AFF3: variants seen among roughly 807,000 people sequenced by gnomAD.
AFF3 encodes AF4/FMR2 family member 3.
AFF3 carries 32 observed loss-of-function variants against 129.7 expected under a neutral mutation model. The observed-to-expected ratio is 0.25, with a 90% CI of 0.19 to 0.33. The LOEUF (loss-of-function observed/expected upper bound fraction) is 0.33, where lower values mean the gene tolerates loss of function less well. Ranked by LOEUF, AFF3 falls within the 10% of genes least tolerant of loss-of-function variation. The pLI is 1.00. For missense variants in AFF3, 1,373 were observed against 1,592.0 expected (o/e 0.86, Z 2.34); for synonymous variants, 644 against 635.4 (o/e 1.01, Z -0.20).
At chr2:99,809,995 G>T (rs1237017415) in intron 8 of AFF3, among the ~76,000 whole-genome samples, 1 of 152,186 alleles carries the variant, frequency 6.6e-6, no homozygotes, top group Admixed American at 6.5e-5. Context: ...TTGGGAAAAG[G>T]AATCTGTCTT....
intron 8 of AFF3, among the ~76,000 whole-genome samples, chr2:99,811,820 G>T (rs1686813411): frequency 6.6e-6 from 1 of 152,224 alleles, no homozygotes; most frequent in Non-Finnish European, 1.5e-5. Flanking sequence ...TAAGTCACAC[G>T]CTTTATGTCT....
At chr2:99,636,403 G>A (rs563338873) in intron 13 of AFF3, among the ~76,000 whole-genome samples, 1 of 152,152 alleles carries the variant, frequency 6.6e-6, no homozygotes, top group African/African-American at 2.4e-5. Flanking sequence ...ATAGAAAAAG[G>A]GGCCATGGAC....
At chr2:100,039,146 CTA>C (rs948890692) in intron 4 of AFF3, among the ~76,000 whole-genome samples, 5 of 152,202 alleles carry the variant, frequency 3.3e-5, no homozygotes, top group Non-Finnish European at 5.9e-5. Flanking sequence ...ACCAACTTCA[CTA>C]TATCTCTTTC....
chr2:99,552,776 A>T (rs72817017), intron 24 of AFF3, among the ~76,000 whole-genome samples: 7,504 of 152,138 alleles, frequency 0.049, 276 homozygotes, highest in Non-Finnish European at 0.076. Context: ...CTGGTAGGAG[A>T]CATCTAGCAG....
At chr2:100,003,035 G>T (rs1264903412) in intron 7 of AFF3, among the ~76,000 whole-genome samples, 1 of 129,906 alleles carries the variant, frequency 7.7e-6, no homozygotes, top group Non-Finnish European at 1.5e-5. Flanking sequence ...TATTCCATGA[G>T]CCAAAGACAG....
At position 99,824,828 on chromosome 2, in the gene AFF3, T is replaced by C. The variant is rs879439644; in HGVS notation, c.921+12649A>G. ...TGCTGCACACGGCACTTTTCTAGAATTTCTGAGGTACAAGTGGGCCCAGGA... is the reference window on the plus strand; with the variant it reads ...TGCTGCACACGGCACTTTTCTAGAACTTCTGAGGTACAAGTGGGCCCAGGA... On this transcript the variant is annotated intron_variant, in intron 8 of 24. Coordinates refer to ENST00000672756, the MANE Select transcript of AFF3 (RefSeq NM_001386135.1). Among the ~76,000 whole-genome samples, 3 of 152,108 alleles carry C rather than the reference T, an allele frequency of 2.0e-5. No homozygotes were observed. In the South Asian group the frequency reaches 6.2e-4, roughly 32 times the overall value.
intron 12 of AFF3, among the ~76,000 whole-genome samples, chr2:99,671,641 C>A (rs7578108): frequency 0.059 from 8,995 of 152,086 alleles, 867 homozygotes; most frequent in African/African-American, 0.2. Context: ...TTCACTATTC[C>A]AAAACCAACA....
At chr2:99,686,566 T>C (rs933884548) in intron 11 of AFF3, among the ~76,000 whole-genome samples, 1 of 152,240 alleles carries the variant, frequency 6.6e-6, no homozygotes, top group Non-Finnish European at 1.5e-5. Context: ...TGGTAAGATT[T>C]GACTCCTTCT....
At chr2:99,855,986 T>C (rs1048669340) in intron 7 of AFF3, among the ~76,000 whole-genome samples, 8 of 152,090 alleles carry the variant, frequency 5.3e-5, no homozygotes, top group African/African-American at 1.2e-4. Context: ...AAAAACATCA[T>C]ACAAATCCAA....
chr2:99,664,355 T>C (rs1686494363), intron 12 of AFF3, among the ~76,000 whole-genome samples: 1 of 152,240 alleles, frequency 6.6e-6, no homozygotes, highest in Non-Finnish European at 1.5e-5. Flanking sequence ...CACTAGAGGC[T>C]ACAGCCAAAA....
At chr2:100,043,093 G>C (rs999119089) in intron 4 of AFF3, among the ~76,000 whole-genome samples, 1 of 151,798 alleles carries the variant, frequency 6.6e-6, no homozygotes, top group Non-Finnish European at 1.5e-5. Context: ...GGCTTTGCAA[G>C]TGCAAACAGA....
chr2:100,106,218 C>T, intron 2 of AFF3: 2 of 1,184,784 alleles, frequency 1.7e-6, no homozygotes, highest in Non-Finnish European at 2.1e-6. Flanking sequence ...AAATGTAAAA[C>T]GCTAAATTAA....
rs148533473 is a variant in AFF3 at position 99,681,958 on chromosome 2, G to A, written c.1092-9369C>T. ...GTCTCGTTCTGTCATCCAGGCTGGAGTGCAATGGTGCATCTTGGCTCACTG... is the reference window on the plus strand; with the variant it reads ...GTCTCGTTCTGTCATCCAGGCTGGAATGCAATGGTGCATCTTGGCTCACTG... On this transcript the variant is annotated intron_variant, in intron 11 of 24. Transcript: ENST00000672756. Among the ~76,000 whole-genome samples the A allele has an allele frequency of 3.6e-3, 531 of 147,670 alleles. 3 individuals carry two copies. The highest frequency in any genetic ancestry group is 0.013 in the African/African-American group (502 of 39,936).
chr2:99,943,408 C>G (rs577347748), intron 7 of AFF3, among the ~76,000 whole-genome samples: 2 of 152,296 alleles, frequency 1.3e-5, no homozygotes, highest in African/African-American at 4.8e-5. Flanking sequence ...ATTTACCCAT[C>G]AGGAAATGCA....
At chr2:99,847,416 G>C (rs933354840) in intron 7 of AFF3, among the ~76,000 whole-genome samples, 1 of 151,884 alleles carries the variant, frequency 6.6e-6, no homozygotes, top group Admixed American at 6.6e-5. Context: ...CCTTTAGTTC[G>C]TGCCTGTAAT....
intron 20 of AFF3, among the ~76,000 whole-genome samples, chr2:99,564,995 C>T (rs1303379646): frequency 6.6e-6 from 1 of 152,156 alleles, no homozygotes; most frequent in Non-Finnish European, 1.5e-5. Flanking sequence ...GCTCACAGGT[C>T]TTCACCCAGG....
At chr2:99,978,807 T>C (rs1405850803) in intron 7 of AFF3, among the ~76,000 whole-genome samples, 1 of 152,226 alleles carries the variant, frequency 6.6e-6, no homozygotes, top group East Asian at 1.9e-4. Flanking sequence ...AATAAGATGT[T>C]ATCTATGCGG....
At chr2:99,640,576 G>A (rs1180988676) in intron 13 of AFF3, among the ~76,000 whole-genome samples, 1 of 151,380 alleles carries the variant, frequency 6.6e-6, no homozygotes, top group Non-Finnish European at 1.5e-5. Flanking sequence ...ACGATGTCTT[G>A]TAAAAAGAGG....
intron 13 of AFF3, among the ~76,000 whole-genome samples, chr2:99,611,886 C>A (rs1399392286): frequency 4.8e-5 from 7 of 145,330 alleles, no homozygotes; most frequent in East Asian, 2.0e-4. Flanking sequence ...GATATCATCT[C>A]AAAAAAAAAA....
Sources: gnomAD v4.1 joint callset for allele counts (sites outside exome capture counted in the v4.1 genomes callset) on GRCh38, gnomAD v4.1.1 for gene constraint, MANE v1.5 for transcripts, NCBI Gene and HGNC (gene_info 2026-07-23, HGNC 2026-07-21) for gene names.